Variants in PGBD1 observed in about 807,000 individuals in gnomAD.
PGBD1 encodes piggyBac transposable element-derived protein 1.
PGBD1 carries 25 observed loss-of-function variants against 34.7 expected under a neutral mutation model. The observed-to-expected ratio is 0.72, with a 90% CI of 0.52 to 1.00. The LOEUF is 1.00. PGBD1 is among the 50% of genes least tolerant of loss of function. The pLI, the probability that PGBD1 is intolerant of heterozygous loss-of-function variation, is 0.00. For missense variants in PGBD1, 830 were observed against 959.4 expected (o/e 0.87, Z 1.78); for synonymous variants, 292 against 335.7 (o/e 0.87, Z 1.42).
At chr6:28,282,761 C>G (rs976362187) in intron 1 of PGBD1, among the ~76,000 whole-genome samples, 1 of 152,068 alleles carries the variant, frequency 6.6e-6, no homozygotes, top group African/African-American at 2.4e-5. Context: ...AGTAGAGGCC[C>G]ACAGCTGCTG....
chr6:28,285,427 G>A, intron 2 of PGBD1, 124 bp from the exon 3 acceptor site: 1 of 1,025,838 alleles, frequency 9.7e-7, no homozygotes, highest in Non-Finnish European at 1.4e-6. Context: ...TTTCTGGGCT[G>A]GGATCCTTTG....
chr6:28,301,523 C>T lies in PGBD1; in HGVS notation c.1669C>T (p.Gln557Ter). The T allele has an allele frequency of 1.2e-6, 2 of 1,614,104 alleles. No individual in the cohort carries two copies. Among genetic ancestry groups the T allele is most frequent in the Non-Finnish European group, 8.5e-7 (1 of 1,180,008 alleles). Residue 557 changes from glutamine to a stop codon, truncating the protein, a stop_gained, in exon 7 of 7, where the codon CAA becomes TAA. Transcript: ENST00000682144. LOFTEE classifies it low-confidence loss of function (END_TRUNC). ...KSMCECFDSD[Q>*]FLNGKPIRIG... ...AATGTGTGAATGCTTTGATAGTGAC[C>T]AATTCCTGAATGGAAAGCCTATTAG... is the stretch of plus-strand genomic sequence containing the variant.
Position 28,301,127 on chromosome 6 carries a change from T to C in PGBD1, c.1273T>C (p.Leu425=), listed in dbSNP as rs1370035594. The part of the protein sequence containing the change: ...EKLNPVELFE[L]FFDDETFNLI... ...GTTGAACCCAGTAGAGCTTTTTGAA[T>C]TATTTTTTGATGATGAAACATTCAA... Residue 425 remains leucine (L), a synonymous_variant, in exon 7 of 7, where the codon TTA becomes CTA. Transcript: ENST00000682144. The C allele has an allele frequency of 3.1e-6, 5 of 1,614,070 alleles. No individual in the cohort carries two copies. In the African/African-American group the frequency reaches 5.3e-5, roughly 17 times the overall value.
Position 28,301,851 on chromosome 6 carries a change from T to C in PGBD1, c.1997T>C (p.Met666Thr), listed in dbSNP as rs765010214. The C allele has an allele frequency of 6.8e-6, 11 of 1,613,874 alleles. No homozygotes were observed. Among genetic ancestry groups the C allele is most frequent in the Admixed American group, 6.7e-5 (4 of 59,972 alleles). ...TGTCCCCTTATGAATGTAGAACATA[T>C]GAAAAAAATGAAGAGAGGGTATTTT... ...EKCPLMNVEH[M>T]KKMKRGYFDF... The change falls in exon 7 of 7, where the codon ATG (methionine) becomes ACG (threonine). Residue 666 changes from methionine (M) to threonine (T), a missense_variant. Transcript: ENST00000682144.
In PGBD1 at chr6:28,302,091, T is replaced by C; in HGVS notation, c.2237T>C (p.Ile746Thr). 6.2e-7 allele frequency: 1 copy of C among 1,614,152 alleles called. No individual in the cohort carries two copies. Among genetic ancestry groups the C allele is most frequent in the African/African-American group, 1.3e-5 (1 of 75,030 alleles). ...GGTGTAGCTAAAATGGATCAAATTA[T>C]TTCGAAATACAGGGTGAGGATAAGA... ...KEGVAKMDQI[I>T]SKYRVRIRSK... The change falls in exon 7 of 7, where the codon ATT becomes ACT. Residue 746 changes from isoleucine (I) to threonine (T), a missense_variant. Physicochemically the swap from Ile to Thr is moderately conservative, Grantham distance 89. This residue lies in a region of PGBD1 where 372 missense variants were observed against 427.9 expected (regional missense o/e 0.87). Transcript: ENST00000682144.
In PGBD1 at chr6:28,284,151, A is replaced by T; in HGVS notation, c.338A>T (p.Glu113Val). 6.2e-7 allele frequency: 1 copy of T among 1,604,018 alleles called. No homozygotes were observed. The highest frequency in any genetic ancestry group is 8.5e-7 in the Non-Finnish European group (1 of 1,174,152). The change falls in exon 2 of 7, where the codon GAG becomes GTG. Residue 113 changes from glutamate to valine, a missense_variant. Transcript: ENST00000682144. The part of the protein sequence containing the change: ...CVKTYPLESG[E>V]EAVTVLENLE... ...AAGACATATCCTCTGGAGAGTGGAG[A>T]GGAGGCAGTGACAGTGCTGGAGAAT...
In PGBD1 at chr6:28,302,084, C is replaced by T; in HGVS notation, c.2230C>T (p.Gln744Ter). The T allele has an allele frequency of 6.2e-7, 1 of 1,614,026 alleles. No individual in the cohort carries two copies. Reference sequence around the variant, plus strand: ...CAAGGAAGGTGTAGCTAAAATGGATCAAATTATTTCGAAATACAGGGTGAG... The same window carrying T: ...CAAGGAAGGTGTAGCTAAAATGGATTAAATTATTTCGAAATACAGGGTGAG... ...ECKEGVAKMD[Q>*]IISKYRVRIR... The change falls in exon 7 of 7, where the codon CAA becomes TAA. Residue 744 changes from glutamine (Q) to a stop codon, truncating the protein, a stop_gained. Transcript: ENST00000682144. LOFTEE classifies it low-confidence loss of function (END_TRUNC).
chr6:28,286,332 C>A (rs1256076362), intron 3 of PGBD1, among the ~76,000 whole-genome samples: 2 of 152,212 alleles, frequency 1.3e-5, no homozygotes, highest in African/African-American at 4.8e-5. Context: ...TGCCAACTGC[C>A]AACTTTGTGA....
Position 28,281,739 on chromosome 6 carries a change from C to G in PGBD1, c.-218C>G, listed in dbSNP as rs1250206319. The stretch of plus-strand genomic sequence containing the variant: ...CGTCTTTGTTGTGCGCGTTCCTGAA[C>G]TTTTGGTCCATTAACCAACAATTAG... On this transcript the variant is annotated 5_prime_UTR_variant, in exon 1 of 7. Coordinates refer to ENST00000682144, the MANE Select transcript of PGBD1 (RefSeq NM_032507.4). 1 of 256,864 alleles carries G rather than the reference C, an allele frequency of 3.9e-6. No homozygotes were observed. The highest frequency in any genetic ancestry group is 6.8e-5 in the East Asian group (1 of 14,620). The allele number at this position is 256,864 out of a possible 1,614,324, so 15.9% of individuals were successfully genotyped here. A position where few individuals can be genotyped will look rare whatever the true frequency, so the allele number is the denominator to read the frequency against.
At chr6:28,290,156 T>G (rs1271949258) in intron 4 of PGBD1, among the ~76,000 whole-genome samples, 1 of 152,130 alleles carries the variant, frequency 6.6e-6, no homozygotes, top group African/African-American at 2.4e-5. Flanking sequence ...AGTGCAGTGG[T>G]ATCATCTCAG....
rs377579839 is a variant in PGBD1 at position 28,285,655 on chromosome 6, C to G, written c.501C>G (p.Thr167=). The G allele has an allele frequency of 3.7e-6, 6 of 1,613,966 alleles. No homozygotes were observed. The African/African-American group carries it at 6.7e-5, about 18-fold the overall frequency. The part of the protein sequence containing the change: ...QSLQLLPGIT[T]LKCEPPQRPQ... ...TCCAGCTCCTGCCTGGGATAACCAC[C>G]CTGAAGTGTGAACCTCCACAGCGTC... The change falls in exon 3 of 7, where the codon ACC becomes ACG. Residue 167 remains threonine, a synonymous_variant. Transcript: ENST00000682144.
At chr6:28,282,659 G>T (rs1468817174) in intron 1 of PGBD1, among the ~76,000 whole-genome samples, 1 of 152,226 alleles carries the variant, frequency 6.6e-6, no homozygotes, top group African/African-American at 2.4e-5. Flanking sequence ...CGTGGAAGAT[G>T]ATGGTGATGC....
Position 28,296,862 on chromosome 6 carries a change from A to C in PGBD1, c.689A>C (p.Glu230Ala). 6.2e-7 allele frequency: 1 copy of C among 1,614,196 alleles called. No individual in the cohort carries two copies. Among genetic ancestry groups the C allele is most frequent in the South Asian group, 1.1e-5 (1 of 91,084 alleles). The part of the protein sequence containing the change: ...EEETAQAVAA[E>A]KWSHLSLTRR... ...GAAACAGCCCAGGCCGTTGCTGCAGAGAAGTGGTCACATCTGAGTCTGACT... is the reference window on the plus strand; with the variant it reads ...GAAACAGCCCAGGCCGTTGCTGCAGCGAAGTGGTCACATCTGAGTCTGACT... Residue 230 changes from glutamate (E) to alanine (A), a missense_variant, in exon 5 of 7, where the codon GAG (glutamate) becomes GCG (alanine). By Grantham distance (107) the Glu-to-Ala change is moderately radical (BLOSUM62 -1). This residue lies in a region of PGBD1 where 457 missense variants were observed against 515.4 expected (regional missense o/e 0.89). Coordinates refer to ENST00000682144, the MANE Select transcript of PGBD1 (RefSeq NM_032507.4).
intron 4 of PGBD1, among the ~76,000 whole-genome samples, chr6:28,287,592 A>G (rs921287327): frequency 2.6e-5 from 4 of 152,184 alleles, no homozygotes; most frequent in African/African-American, 7.2e-5. Context: ...ATAATAATGG[A>G]AATTCTATAT....
rs950982359 is a variant in PGBD1 at position 28,300,620 on chromosome 6, C to A, written c.870-104C>A. On this transcript the variant is annotated intron_variant, in intron 6 of 6. Coordinates refer to ENST00000682144, the MANE Select transcript of PGBD1 (RefSeq NM_032507.4). The surrounding 1 kb of genome is among the most constrained non-coding windows in gnomAD (Gnocchi z 4.0). ...TAAGAGAAATAAGTAAGTATCCCCC[C>A]ACACCCACCCCAAGCCCCAAAAGAT... 11 of 1,333,604 alleles carry A rather than the reference C, an allele frequency of 8.2e-6. No homozygotes were observed. The highest frequency in any genetic ancestry group is 2.7e-4 in the Middle Eastern group (1 of 3,682). The allele number at this position is 1,333,604 out of a possible 1,614,324, so 82.6% of individuals were successfully genotyped here.
chr6:28,285,437 GC>G, intron 2 of PGBD1, 113 bp from the exon 3 acceptor site: 1 of 1,131,468 alleles, frequency 8.8e-7, no homozygotes, highest in Non-Finnish European at 1.2e-6. Context: ...GGGATCCTTT[GC>G]CTGTCTTTTC....
chr6:28,291,034 T>C (rs1480965270), intron 4 of PGBD1, among the ~76,000 whole-genome samples: 3 of 144,364 alleles, frequency 2.1e-5, no homozygotes, highest in African/African-American at 7.8e-5. Flanking sequence ...ATGATACACC[T>C]CAAGGAACTA....
intron 4 of PGBD1, among the ~76,000 whole-genome samples, chr6:28,294,517 A>G (rs1401292368): frequency 6.6e-6 from 1 of 152,204 alleles, no homozygotes; most frequent in East Asian, 1.9e-4. Context: ...GCTTCAAAGG[A>G]CAGCCTGACT....
Position 28,297,906 on chromosome 6 carries a change from G to A in PGBD1, c.784G>A (p.Val262Ile). 1 of 1,308,462 alleles carries A rather than the reference G, an allele frequency of 7.6e-7. No individual in the cohort carries two copies. The highest frequency in any genetic ancestry group is 2.2e-4 in the Middle Eastern group (1 of 4,648). 81.1% of individuals were successfully genotyped at this position (1,308,462 alleles called of 1,614,324 possible). A position where few individuals can be genotyped will look rare whatever the true frequency, so the allele number is the denominator to read the frequency against. The part of the protein sequence containing the change: ...MSLSPMTEEI[V>I]TKDRLFKAKQ... ...ATGTTATATTTTAGCTGAAGAAATTGTAACTAAAGATAGATTGTTTAAAGC... is the reference window on the plus strand; with the variant it reads ...ATGTTATATTTTAGCTGAAGAAATTATAACTAAAGATAGATTGTTTAAAGC... Residue 262 changes from valine (V) to isoleucine (I), a missense_variant, in exon 6 of 7, where the codon GTA becomes ATA. Physicochemically the swap from Val to Ile is conservative, Grantham distance 29. Coordinates refer to ENST00000682144, the MANE Select transcript of PGBD1 (RefSeq NM_032507.4).
Sources: gnomAD v4.1 joint callset for allele counts (sites outside exome capture counted in the v4.1 genomes callset) on GRCh38, gnomAD v4.1.1 for gene constraint, gnomAD v4.1.1 regional missense constraint, Gnocchi (gnomAD v3.1) non-coding constraint, MANE v1.5 for transcripts, NCBI Gene and HGNC (gene_info 2026-07-23, HGNC 2026-07-21) for gene names.